The following STK24 variants were observed in gnomAD, a reference collection of about 807,000 sequenced individuals.
STK24 encodes the protein serine/threonine kinase 24, also known as serine/threonine-protein kinase 24.
STK24 carries 21 observed loss-of-function variants against 55.6 expected under a neutral mutation model. The observed-to-expected ratio is 0.38, with a 90% CI of 0.27 to 0.54. The LOEUF is 0.54. Among genes scored for constraint, STK24 ranks in the 20% least tolerant of loss-of-function variants. The probability of loss-of-function intolerance (pLI) is 0.79; values close to 1 mark genes in which losing one functional copy is unlikely to be tolerated. For missense variants in STK24, 383 were observed against 538.4 expected, an observed-to-expected ratio of 0.71 and a Z score of 2.86; for synonymous variants, 200 against 215.2, an observed-to-expected ratio of 0.93 and a Z score of 0.62.
intron 1 of STK24, among the ~76,000 whole-genome samples, chr13:98,525,614 G>A (rs11618611): frequency 0.11 from 16,354 of 152,152 alleles, 946 homozygotes; most frequent in Middle Eastern, 0.13. Context: ...TCGCCACCCC[G>A]GTATAGGCAG....
intron 2 of STK24, among the ~76,000 whole-genome samples, chr13:98,485,578 C>T (rs1894773882): frequency 6.6e-6 from 1 of 152,222 alleles, no homozygotes. Context: ...GTTAGTCCTA[C>T]AAAAGCAATC....
intron 2 of STK24, among the ~76,000 whole-genome samples, chr13:98,517,611 C>T (rs1896112423): frequency 6.6e-6 from 1 of 152,140 alleles, no homozygotes; most frequent in Non-Finnish European, 1.5e-5. Context: ...GTCTGGGTTA[C>T]ACAGCACGAC....
At chr13:98,503,326 T>C (rs1158961199) in intron 2 of STK24, among the ~76,000 whole-genome samples, 2 of 152,106 alleles carry the variant, frequency 1.3e-5, no homozygotes, top group Admixed American at 1.3e-4. Flanking sequence ...CAGTTTTAAT[T>C]TCCCAAATAG....
At position 98,447,855 on chromosome 13, in the gene STK24, GAAAAAGA is replaced by G. The variant is rs1184085216; in HGVS notation, c.*5311_*5317del. The stretch of plus-strand genomic sequence containing the variant: ...GCCAGACCCTGTCTCAAAAAAAAAA[GAAAAAGA>G]AAAAAGGAAGGGAGAGCTTCCACTA... On this transcript the variant is annotated 3_prime_UTR_variant, in exon 11 of 11. Coordinates refer to ENST00000539966, the MANE Select transcript of STK24 (RefSeq NM_001032296.4). 3 of 199,710 alleles carry G rather than the reference GAAAAAGA, an allele frequency of 1.5e-5. No individual in the cohort carries two copies. The highest frequency in any genetic ancestry group is 1.2e-4 in the Admixed American group (2 of 17,372). The allele number at this position is 199,710 out of a possible 1,614,324, so 12.4% of individuals were successfully genotyped here.
intron 1 of STK24, among the ~76,000 whole-genome samples, chr13:98,550,411 T>C (rs1228317784): frequency 6.6e-6 from 1 of 152,118 alleles, no homozygotes; most frequent in Non-Finnish European, 1.5e-5. Flanking sequence ...ACACCTGTAG[T>C]CCCTGCTACT....
intron 1 of STK24, among the ~76,000 whole-genome samples, chr13:98,556,334 G>A (rs548145606): frequency 1.3e-5 from 2 of 152,362 alleles, no homozygotes; most frequent in African/African-American, 4.8e-5. Flanking sequence ...CATCATTAAG[G>A]CTGGGTGCTG....
chr13:98,567,115 G>A (rs183287298), intron 1 of STK24, among the ~76,000 whole-genome samples: 38 of 152,328 alleles, frequency 2.5e-4, no homozygotes, highest in Admixed American at 5.2e-4. Flanking sequence ...ATACCCCAAA[G>A]AAGAGCTTTC....
At chr13:98,490,185 G>A (rs1441065617) in intron 2 of STK24, among the ~76,000 whole-genome samples, 4 of 152,204 alleles carry the variant, frequency 2.6e-5, no homozygotes, top group Non-Finnish European at 5.9e-5. Context: ...GGGATATTCA[G>A]CAAGCCAGCT....
At position 98,451,723 on chromosome 13, in the gene STK24, C is replaced by G. The variant is rs1265456335; in HGVS notation, c.*1450G>C. Reference sequence around the variant, plus strand: ...ACCCACGGGAGATGTCAATCATCAGCTTCAACAAACATAAAAGAATGCTTC... The same window carrying G: ...ACCCACGGGAGATGTCAATCATCAGGTTCAACAAACATAAAAGAATGCTTC... On this transcript the variant is annotated 3_prime_UTR_variant, in exon 11 of 11. Coordinates refer to ENST00000539966, the MANE Select transcript of STK24 (RefSeq NM_001032296.4). 2.0e-5 allele frequency: 3 copies of G among 152,196 alleles called. No homozygotes were observed. Among genetic ancestry groups the G allele is most frequent in the Non-Finnish European group, 1.5e-5 (1 of 68,030 alleles). 9.4% of individuals were successfully genotyped at this position (152,196 alleles called of 1,614,324 possible).
chr13:98,486,082 G>A (rs1412031005), intron 2 of STK24, among the ~76,000 whole-genome samples: 2 of 152,126 alleles, frequency 1.3e-5, no homozygotes, highest in Non-Finnish European at 2.9e-5. Flanking sequence ...GGGAGGGACA[G>A]CATTAGGAGA....
chr13:98,483,904 C>A (rs902563051), intron 2 of STK24, among the ~76,000 whole-genome samples: 1 of 152,174 alleles, frequency 6.6e-6, no homozygotes, highest in Non-Finnish European at 1.5e-5. Context: ...TAAGACAGTC[C>A]AAATAAACAG....
intron 10 of STK24, chr13:98,456,311 A>C: frequency 2.8e-6 from 1 of 360,384 alleles, no homozygotes; most frequent in South Asian, 2.0e-5. Context: ...ACGCAGTCTC[A>C]GGAAAGACCC....
At chr13:98,548,206 AATAAG>A (rs1897074542) in intron 1 of STK24, among the ~76,000 whole-genome samples, 1 of 152,214 alleles carries the variant, frequency 6.6e-6, no homozygotes, top group Non-Finnish European at 1.5e-5. Flanking sequence ...TGGGGCTAAA[AATAAG>A]ATGTTTTCTT....
Position 98,457,045 on chromosome 13 carries a change from C to G in STK24, c.1259+123G>C. The stretch of plus-strand genomic sequence containing the variant: ...GTCTCCTCTAATTCAACTCTGTCTA[C>G]CCTGAGGCCTGCAAGATAACAGGAA... On this transcript the variant is annotated intron_variant, in intron 10 of 10. Transcript: ENST00000539966. The G allele has an allele frequency of 2.5e-6, 3 of 1,195,392 alleles. No homozygotes were observed. In the South Asian group the frequency reaches 4.6e-5, roughly 18 times the overall value. 74.0% of individuals were successfully genotyped at this position (1,195,392 alleles called of 1,614,324 possible). A position where few individuals can be genotyped will look rare whatever the true frequency, so the allele number is the denominator to read the frequency against.
chr13:98,545,160 T>A (rs1896997476), intron 1 of STK24, among the ~76,000 whole-genome samples: 2 of 152,172 alleles, frequency 1.3e-5, no homozygotes, highest in South Asian at 4.1e-4. Flanking sequence ...CCCTTTTGGT[T>A]GAGGGACAGG....
chr13:98,461,968 G>C lies in STK24; in HGVS notation c.930-71C>G. ...CTCTGGGGGCGCTGGGACGTTCAGGGGGAGGCCGCCTGGGGACCTCTAAAC... is the reference window on the plus strand; with the variant it reads ...CTCTGGGGGCGCTGGGACGTTCAGGCGGAGGCCGCCTGGGGACCTCTAAAC... On this transcript the variant is annotated intron_variant, in intron 7 of 10. Transcript: ENST00000539966. 7 of 1,586,614 alleles carry C rather than the reference G, an allele frequency of 4.4e-6. No individual in the cohort carries two copies. In the South Asian group the frequency reaches 4.5e-5, roughly 10 times the overall value.
intron 10 of STK24, 118 bp from the exon 11 acceptor site, chr13:98,453,327 G>T: frequency 9.7e-7 from 1 of 1,032,518 alleles, no homozygotes; most frequent in Non-Finnish European, 1.4e-6. Context: ...ACAAAAATAA[G>T]TGGAGCAAAT....
In STK24 at chr13:98,576,925, T is replaced by G. The variant is rs1325203037; in HGVS notation, c.-139A>C. On this transcript the variant is annotated 5_prime_UTR_variant, in exon 1 of 11. Coordinates refer to ENST00000539966, the MANE Select transcript of STK24 (RefSeq NM_001032296.4). ...CCGAGGCCACCCCAGCCCTGGCGGG[T>G]CCCGGCCGGGCGGCGGGGGCTCAGC... 2 of 378,226 alleles carry G rather than the reference T, an allele frequency of 5.3e-6. No homozygotes were observed. Among genetic ancestry groups the G allele is most frequent in the African/African-American group, 2.3e-5 (1 of 44,052 alleles). The allele number at this position is 378,226 out of a possible 1,614,324, so 23.4% of individuals were successfully genotyped here.
chr13:98,521,923 G>A, intron 1 of STK24: 1 of 1,096,504 alleles, frequency 9.1e-7, no homozygotes, highest in Non-Finnish European at 1.4e-6. Context: ...ACCCCTCTCT[G>A]CTGGCTCTCT....
Sources: allele counts gnomAD v4.1 joint callset (sites outside exome capture counted in the v4.1 genomes callset), GRCh38; gene constraint gnomAD v4.1.1; transcripts MANE v1.5; gene names NCBI Gene and HGNC (gene_info 2026-07-23, HGNC 2026-07-21).